CMTM7: variants seen among roughly 807,000 people sequenced by gnomAD.
CMTM7 encodes the protein CKLF like MARVEL transmembrane domain containing 7, also known as CKLF-like MARVEL transmembrane domain-containing protein 7.
CMTM7 carries 7 observed loss-of-function variants against 19.3 expected under a neutral mutation model. That is an observed-to-expected ratio of 0.36 (90% CI 0.21 to 0.68). CMTM7 has a LOEUF of 0.68. Among genes scored for constraint, CMTM7 ranks in the 30% least tolerant of loss-of-function variants. The pLI is 0.60. For missense variants in CMTM7, 193 were observed against 232.6 expected, an observed-to-expected ratio of 0.83 and a Z score of 1.11; for synonymous variants, 87 against 99.3, an observed-to-expected ratio of 0.88 and a Z score of 0.74.
intron 2 of CMTM7, among the ~76,000 whole-genome samples, chr3:32,442,249 G>A (rs148121251): frequency 1.3e-5 from 2 of 151,620 alleles, no homozygotes; most frequent in Non-Finnish European, 2.9e-5. Context: ...GGTGGCTCAC[G>A]CTGGTAATCC....
chr3:32,412,480 GAC>G (rs3081435), intron 1 of CMTM7, among the ~76,000 whole-genome samples: 3,685 of 119,662 alleles, frequency 0.031, 65 homozygotes, highest in African/African-American at 0.039. Flanking sequence ...GATTGAGACT[GAC>G]ACACACACAC....
At chr3:32,435,455 T>A (rs1169066586) in intron 1 of CMTM7, among the ~76,000 whole-genome samples, 33 of 152,214 alleles carry the variant, frequency 2.2e-4, no homozygotes, top group Admixed American at 2.2e-3. Flanking sequence ...TACATCTAAT[T>A]CTTTGCAGCG....
intron 1 of CMTM7, among the ~76,000 whole-genome samples, chr3:32,432,198 C>T (rs1258973777): frequency 6.6e-6 from 1 of 152,198 alleles, no homozygotes; most frequent in African/African-American, 2.4e-5. Context: ...CAGAGTGCCA[C>T]CTGGCCACAG....
intron 1 of CMTM7, among the ~76,000 whole-genome samples, chr3:32,435,526 G>A (rs1296785835): frequency 6.6e-6 from 1 of 152,236 alleles, no homozygotes; most frequent in Non-Finnish European, 1.5e-5. Context: ...AGATTAAGTA[G>A]GTCATTCTCC....
intron 1 of CMTM7, among the ~76,000 whole-genome samples, chr3:32,409,466 T>G (rs1271426968): frequency 6.6e-6 from 1 of 152,240 alleles, no homozygotes; most frequent in Non-Finnish European, 1.5e-5. Flanking sequence ...AGGAAATTAA[T>G]GATACAAATG....
At chr3:32,425,183 A>T (rs1696411313) in intron 1 of CMTM7, among the ~76,000 whole-genome samples, 1 of 152,216 alleles carries the variant, frequency 6.6e-6, no homozygotes, top group Admixed American at 6.5e-5. Flanking sequence ...ATAATTTGAC[A>T]GCCCTATGCC....
At chr3:32,407,145 T>A (rs1696101963) in intron 1 of CMTM7, among the ~76,000 whole-genome samples, 2 of 152,312 alleles carry the variant, frequency 1.3e-5, no homozygotes, top group South Asian at 2.1e-4. Flanking sequence ...CTATCTGGTG[T>A]CTGCCAAGGC....
intron 1 of CMTM7, among the ~76,000 whole-genome samples, chr3:32,405,375 G>A (rs544553833): frequency 1.3e-5 from 2 of 152,350 alleles, no homozygotes; most frequent in African/African-American, 4.8e-5. Flanking sequence ...GGAAGATGGA[G>A]CAATAGCAGT....
chr3:32,393,400 C>T (rs1559397902), intron 1 of CMTM7, among the ~76,000 whole-genome samples: 1 of 152,138 alleles, frequency 6.6e-6, no homozygotes, highest in Non-Finnish European at 1.5e-5. Flanking sequence ...AGAGACCAGC[C>T]CATCTCACCA....
chr3:32,448,960 C>T (rs1165327403), intron 2 of CMTM7, among the ~76,000 whole-genome samples: 1 of 152,176 alleles, frequency 6.6e-6, no homozygotes, highest in East Asian at 1.9e-4. Context: ...GGCTGACACT[C>T]CCATCAGTCA....
intron 1 of CMTM7, among the ~76,000 whole-genome samples, chr3:32,423,279 G>A (rs377066190): frequency 9.5e-4 from 144 of 152,310 alleles, no homozygotes; most frequent in African/African-American, 3.3e-3. Flanking sequence ...GGTGGTATGA[G>A]CACACCAAAC....
At chr3:32,412,381 G>T (rs1159522825) in intron 1 of CMTM7, among the ~76,000 whole-genome samples, 1 of 151,950 alleles carries the variant, frequency 6.6e-6, no homozygotes, top group Non-Finnish European at 1.5e-5. Flanking sequence ...CAGCTACTCG[G>T]GAGGCTGAGG....
chr3:32,397,190 G>A (rs758851482), intron 1 of CMTM7, among the ~76,000 whole-genome samples: 4 of 152,126 alleles, frequency 2.6e-5, no homozygotes, highest in Admixed American at 1.3e-4. Flanking sequence ...GAGGAGGAAC[G>A]CACCCATTGC....
chr3:32,404,152 CTTTTT>C (rs869206404), intron 1 of CMTM7, among the ~76,000 whole-genome samples: 2 of 131,996 alleles, frequency 1.5e-5, no homozygotes, highest in Non-Finnish European at 3.2e-5. Context: ...CTTTTTTTTT[CTTTTT>C]TTTTCTTTTT....
chr3:32,450,858 C>T (rs907001080), intron 3 of CMTM7: 2 of 152,210 alleles, frequency 1.3e-5, no homozygotes, highest in African/African-American at 4.8e-5. Context: ...TCATCATATG[C>T]TGTCTGTGTG....
chr3:32,398,982 C>T (rs542155493), intron 1 of CMTM7, among the ~76,000 whole-genome samples: 1 of 152,144 alleles, frequency 6.6e-6, no homozygotes, highest in East Asian at 1.9e-4. Flanking sequence ...CCTGTCCTCC[C>T]ATCCCCCCAA....
chr3:32,400,387 T>C lies in CMTM7; in HGVS notation c.159+8322T>C, dbSNP rs151191071. ...TATTTTGTAAATGCTTTTCTTTTTT[T>C]TTCTTCTTCTTCTTTTTTTTTTTTT... On this transcript the variant is annotated intron_variant, in intron 1 of 4. Coordinates refer to ENST00000334983, the MANE Select transcript of CMTM7 (RefSeq NM_138410.4). 1.3e-3 allele frequency among the ~76,000 whole-genome samples: 169 copies of C among 135,140 alleles called. 1 individual carries two copies. Among genetic ancestry groups the C allele is most frequent in the African/African-American group, 4.0e-3 (142 of 35,794 alleles). 88.7% of individuals were successfully genotyped at this position (135,140 alleles called of 152,430 possible).
chr3:32,416,557 A>AT (rs1696270224), intron 1 of CMTM7, among the ~76,000 whole-genome samples: 2 of 148,836 alleles, frequency 1.3e-5, no homozygotes, highest in Non-Finnish European at 1.5e-5. Context: ...CGCCCGGCTA[A>AT]TTTTTTGTAT....
intron 1 of CMTM7, among the ~76,000 whole-genome samples, chr3:32,437,735 A>G (rs931178302): frequency 2.0e-5 from 3 of 152,100 alleles, no homozygotes; most frequent in African/African-American, 7.2e-5. Flanking sequence ...TACTAAAAAT[A>G]CAAAAATTAG....
Sources: allele counts gnomAD v4.1 joint callset (sites outside exome capture counted in the v4.1 genomes callset), GRCh38; gene constraint gnomAD v4.1.1; transcripts MANE v1.5; gene names NCBI Gene and HGNC (gene_info 2026-07-23, HGNC 2026-07-21).